The following LTBP1 variants were observed in gnomAD, a reference collection of about 807,000 sequenced individuals.
LTBP1 encodes the protein latent-transforming growth factor beta-binding protein 1.
Under a neutral mutation model 207.6 loss-of-function variants are expected in LTBP1, and 129 were observed. The observed-to-expected ratio is 0.62, with a 90% confidence interval of 0.54 to 0.72. The LOEUF is 0.72. LTBP1 is among the 30% of genes least tolerant of loss of function. The pLI, the probability that LTBP1 is intolerant of heterozygous loss-of-function variation, is 0.00. For missense variants in LTBP1, 2,281 were observed against 2,217.2 expected, an observed-to-expected ratio of 1.03 and a Z score of -0.58; for synonymous variants, 963 against 833.7, an observed-to-expected ratio of 1.16 and a Z score of -2.67.
At chr2:33,308,991 T>A (rs1172757339) in intron 22 of LTBP1, among the ~76,000 whole-genome samples, 1 of 152,094 alleles carries the variant, frequency 6.6e-6, no homozygotes, top group African/African-American at 2.4e-5. Flanking sequence ...GTTTAAAAGT[T>A]CCATTTCTTG....
chr2:33,342,960 G>T lies in LTBP1; in HGVS notation c.3853G>T (p.Val1285Leu). The change falls in exon 25 of 34, where the codon GTG becomes TTG. Residue 1285 changes from valine to leucine, a missense_variant. By Grantham distance (32) the Val-to-Leu change is conservative. Transcript: ENST00000404816. ...FQAPQDGQGC[V>L]DVNECELLSG... ...AGCCCCACAGGATGGGCAAGGGTGT[G>T]TGGGTGAGTTTTTAGATTTTTTCCC... 6.2e-7 allele frequency: 1 copy of T among 1,609,832 alleles called. No homozygotes were observed. Among genetic ancestry groups the T allele is most frequent in the South Asian group, 1.1e-5 (1 of 90,478 alleles).
intron 26 of LTBP1, among the ~76,000 whole-genome samples, chr2:33,351,548 T>G (rs1001905652): frequency 1.2e-4 from 19 of 152,228 alleles, no homozygotes; most frequent in Non-Finnish European, 1.0e-4. Flanking sequence ...CATGTTGACC[T>G]CTGGACTCTG....
chr2:33,107,857 A>G (rs2080156930), intron 3 of LTBP1, among the ~76,000 whole-genome samples: 1 of 152,168 alleles, frequency 6.6e-6, no homozygotes, highest in South Asian at 2.1e-4. Flanking sequence ...TTGAAAAATT[A>G]CGGTTACATT....
chr2:33,116,834 A>G (rs917704158), intron 4 of LTBP1, among the ~76,000 whole-genome samples: 6 of 152,048 alleles, frequency 3.9e-5, no homozygotes, highest in African/African-American at 9.7e-5. Flanking sequence ...CTTTTTACTT[A>G]AAGTGTTAAA....
intron 3 of LTBP1, among the ~76,000 whole-genome samples, chr2:33,084,008 C>G (rs1412510591): frequency 1.3e-5 from 2 of 152,134 alleles, no homozygotes; most frequent in African/African-American, 4.8e-5. Flanking sequence ...CTTGGGGAGA[C>G]CTTGCCGAGT....
In LTBP1 at chr2:33,360,823, C is replaced by T. The variant is rs746734904; in HGVS notation, c.4183+44C>T. 10 of 1,565,910 alleles carry T rather than the reference C, an allele frequency of 6.4e-6. No homozygotes were observed. In the Admixed American group the frequency reaches 1.2e-4, roughly 18 times the overall value. On this transcript the variant is annotated intron_variant, in intron 27 of 33. Coordinates refer to ENST00000404816, the MANE Select transcript of LTBP1 (RefSeq NM_206943.4). ...GTAGAGTCACACTTGTGTTTGGTCA[C>T]ATGGTGTCCCTGGGCCTTGAAATGA...
intron 3 of LTBP1, among the ~76,000 whole-genome samples, chr2:33,034,183 C>A (rs2149344467): frequency 6.7e-6 from 1 of 149,966 alleles, no homozygotes; most frequent in East Asian, 2.0e-4. Context: ...ATACGCAAAT[C>A]TACAGAGTTA....
At chr2:33,135,435 T>C (rs952197954) in intron 5 of LTBP1, among the ~76,000 whole-genome samples, 18 of 152,204 alleles carry the variant, frequency 1.2e-4, no homozygotes, top group African/African-American at 4.3e-4. Context: ...CAAAAACCTG[T>C]ACTTGGTTGT....
chr2:33,264,255 C>CA (rs33981203), intron 15 of LTBP1, among the ~76,000 whole-genome samples: 2,773 of 90,782 alleles, frequency 0.031, 57 homozygotes, highest in Middle Eastern at 0.13. Context: ...GACTCTGTCT[C>CA]AAAAAAAAAA....
chr2:33,368,642 C>T (rs569656005), intron 31 of LTBP1, among the ~76,000 whole-genome samples: 4 of 152,266 alleles, frequency 2.6e-5, no homozygotes, highest in Middle Eastern at 3.4e-3. Flanking sequence ...GTTGGGAGGC[C>T]GAGGTGGGTG....
rs117120288 is a variant in LTBP1, at chr2:33,322,886, T to C, written c.3730+7617T>C. 2.6e-5 allele frequency among the ~76,000 whole-genome samples: 4 copies of C among 152,352 alleles called. No homozygotes were observed. In the East Asian group the frequency reaches 7.7e-4, roughly 29 times the overall value. ...TGAATTAATTCACTTCCTGTTCTTT[T>C]TTCCTTTTGCTTTTTTTATTTCTTT... On this transcript the variant is annotated intron_variant, in intron 24 of 33. Coordinates refer to ENST00000404816, the MANE Select transcript of LTBP1 (RefSeq NM_206943.4).
At chr2:33,056,206 T>C (rs2076991107) in intron 3 of LTBP1, 3 of 317,938 alleles carry the variant, frequency 9.4e-6, no homozygotes, top group Non-Finnish European at 1.8e-5. Context: ...CCGCCTCTTT[T>C]TCAGGGTTTG....
intron 5 of LTBP1, among the ~76,000 whole-genome samples, chr2:33,185,758 G>A (rs536296016): frequency 2.6e-4 from 39 of 151,596 alleles, no homozygotes; most frequent in African/African-American, 8.7e-4. Context: ...TAGAGGAGGG[G>A]CAGGGAATGG....
At chr2:33,054,703 A>AT (rs2149539610) in intron 3 of LTBP1, among the ~76,000 whole-genome samples, 1 of 152,212 alleles carries the variant, frequency 6.6e-6, no homozygotes, top group Admixed American at 6.5e-5. Flanking sequence ...AGGACAGGAG[A>AT]TTAACACTGA....
intron 2 of LTBP1, among the ~76,000 whole-genome samples, chr2:33,006,362 A>G (rs1686861229): frequency 6.6e-6 from 1 of 151,168 alleles, no homozygotes; most frequent in Non-Finnish European, 1.5e-5. Context: ...TCCATTCAGA[A>G]TGTCAGAAAT....
intron 3 of LTBP1, among the ~76,000 whole-genome samples, chr2:33,047,390 A>G (rs935732846): frequency 3.9e-5 from 6 of 152,174 alleles, no homozygotes; most frequent in African/African-American, 1.4e-4. Context: ...TCAATTCAGG[A>G]GCAGGTTGTT....
intron 5 of LTBP1, among the ~76,000 whole-genome samples, chr2:33,135,856 G>A (rs991107465): frequency 6.6e-5 from 10 of 152,076 alleles, no homozygotes; most frequent in African/African-American, 1.9e-4. Context: ...AGACACCCAC[G>A]TTACTTTCTG....
intron 5 of LTBP1, among the ~76,000 whole-genome samples, chr2:33,139,647 T>C (rs1191189204): frequency 6.6e-6 from 1 of 152,146 alleles, no homozygotes; most frequent in Non-Finnish European, 1.5e-5. Context: ...GATGGCCTGA[T>C]TGTGGACTGA....
At chr2:33,306,808 A>G (rs530935397) in intron 22 of LTBP1, among the ~76,000 whole-genome samples, 57 of 152,128 alleles carry the variant, frequency 3.7e-4, no homozygotes, top group African/African-American at 9.6e-4. Context: ...ACTGATTGTC[A>G]GTCGGGTGCA....
Sources: allele counts gnomAD v4.1 joint callset (sites outside exome capture counted in the v4.1 genomes callset), GRCh38; gene constraint gnomAD v4.1.1; transcripts MANE v1.5; gene names NCBI Gene and HGNC (gene_info 2026-07-23, HGNC 2026-07-21).